The following ADAP1 variants were observed in gnomAD, a reference collection of about 807,000 sequenced individuals.
ADAP1 encodes the protein ArfGAP with dual PH domains 1.
Under a neutral mutation model 54.9 loss-of-function variants are expected in ADAP1, and 31 were observed. That is an observed-to-expected ratio of 0.56 (90% CI 0.42 to 0.76). ADAP1 has a LOEUF of 0.76. Ranked by LOEUF, ADAP1 falls within the 30% of genes least tolerant of loss-of-function variation. The pLI, the probability that ADAP1 is intolerant of heterozygous loss-of-function variation, is 0.00. For missense variants in ADAP1, 535 were observed against 512.4 expected (o/e 1.04, Z -0.42); for synonymous variants, 313 against 202.6 (o/e 1.55, Z -4.63).
rs1056898501 is a variant in ADAP1, at chr7:905,350, G to A, written c.389-178C>T. ...CATGGAGGAGACAGGGAGATAGGAAGATGGGCAGGGAAAGGGAAAGGGAAA... is the reference window on the plus strand; with the variant it reads ...CATGGAGGAGACAGGGAGATAGGAAAATGGGCAGGGAAAGGGAAAGGGAAA... On this transcript the variant is annotated intron_variant, in intron 4 of 10. Transcript: ENST00000265846. 166 of 360,876 alleles carry A rather than the reference G, an allele frequency of 4.6e-4. 10 individuals are homozygous for A. The African/African-American group carries it at 7.1e-3, about 15-fold the overall frequency. 22.4% of individuals were successfully genotyped at this position (360,876 alleles called of 1,614,324 possible).
At chr7:917,683 C>G (rs901019037) in intron 4 of ADAP1, among the ~76,000 whole-genome samples, 4 of 152,256 alleles carry the variant, frequency 2.6e-5, no homozygotes, top group East Asian at 3.9e-4. Context: ...AGATTGGTCT[C>G]GAACTCGTGG....
intron 2 of ADAP1, among the ~76,000 whole-genome samples, chr7:933,651 C>T (rs1256951574): frequency 5.4e-5 from 2 of 37,110 alleles, no homozygotes; most frequent in Non-Finnish European, 9.5e-5. Context: ...AGCCGGGGGC[C>T]GGGGTCAGTG....
At chr7:902,705 T>C (rs1483247814) in intron 6 of ADAP1, among the ~76,000 whole-genome samples, 3 of 151,776 alleles carry the variant, frequency 2.0e-5, no homozygotes, top group African/African-American at 4.8e-5. Flanking sequence ...AAGCAATCCC[T>C]GACCTCATGG....
At chr7:923,106 C>T (rs965531769) in intron 3 of ADAP1, 6 of 152,118 alleles carry the variant, frequency 3.9e-5, no homozygotes, top group Admixed American at 3.9e-4. Context: ...AGGAAGCACC[C>T]CGGAGAGGCC....
intron 1 of ADAP1, among the ~76,000 whole-genome samples, chr7:939,057 G>A (rs537110209): frequency 5.3e-4 from 80 of 152,322 alleles, no homozygotes; most frequent in African/African-American, 1.6e-3. Context: ...CATGGAACCC[G>A]TAGCAGGAGC....
chr7:927,192 C>G (rs186801417), intron 2 of ADAP1: 3 of 1,292,194 alleles, frequency 2.3e-6, no homozygotes, highest in African/African-American at 3.1e-5. Flanking sequence ...AACATGTTTA[C>G]GAAACAGGCT....
Position 920,747 on chromosome 7 carries a change from G to A in ADAP1, c.306-697C>T, listed in dbSNP as rs1846161885. On this transcript the variant is annotated intron_variant, in intron 3 of 10. Transcript: ENST00000265846. This position sits in a 1 kb window ranked among gnomAD's most constrained non-coding sequence, Gnocchi z 4.5. ...CTGAGCCCAGACATCCCTGCCCAGA[G>A]CCACCCACCACGGCCTCCCCATCCA... is the stretch of plus-strand genomic sequence containing the variant. 3.9e-6 allele frequency: 6 copies of A among 1,531,184 alleles called. No individual in the cohort carries two copies. In the East Asian group the frequency reaches 1.2e-4, roughly 31 times the overall value. The allele number at this position is 1,531,184 out of a possible 1,614,324, so 94.8% of individuals were successfully genotyped here. A position where few individuals can be genotyped will look rare whatever the true frequency, so the allele number is the denominator to read the frequency against.
chr7:943,863 G>A (rs1449791156), intron 1 of ADAP1, among the ~76,000 whole-genome samples: 1 of 150,954 alleles, frequency 6.6e-6, no homozygotes, highest in African/African-American at 2.5e-5. Context: ...GGAGAGAGGA[G>A]GAGGAAGAGA....
intron 2 of ADAP1, among the ~76,000 whole-genome samples, chr7:930,059 G>C (rs977892875): frequency 1.6e-5 from 2 of 124,718 alleles, no homozygotes; most frequent in African/African-American, 6.2e-5. Context: ...AGCTGTGATT[G>C]AGCCACTGCC....
At chr7:905,845 G>GGGAGAAAGGAGAAA (rs1845238069) in intron 4 of ADAP1, among the ~76,000 whole-genome samples, 1 of 39,748 alleles carries the variant, frequency 2.5e-5, no homozygotes, top group African/African-American at 9.6e-5. Flanking sequence ...GAAGGGAGAA[G>GGGAGAAAGGAGAAA]GGAGAAGGGA....
rs570419445 is a variant in ADAP1 at position 929,164 on chromosome 7, C to T, written c.214-2520G>A. Among the ~76,000 whole-genome samples, 474 of 152,070 alleles carry T rather than the reference C, an allele frequency of 3.1e-3. 6 individuals are homozygous for T. Among genetic ancestry groups the T allele is most frequent in the African/African-American group, 0.011 (447 of 41,484 alleles). On this transcript the variant is annotated intron_variant, in intron 2 of 10. Transcript: ENST00000265846. ...AAAATTAGCCGGGCGTGGTGGTGCA[C>T]GCCCGTAATCCCAGCTACTCGGGAG...
chr7:908,048 G>C (rs550496926), intron 4 of ADAP1, among the ~76,000 whole-genome samples: 1 of 152,184 alleles, frequency 6.6e-6, no homozygotes, highest in African/African-American at 2.4e-5. Flanking sequence ...ACTTCAGAGA[G>C]CACTTGCTTG....
rs1847108043 is a variant in ADAP1, at chr7:945,248, C to G, written c.82+9148G>C. 6.6e-6 allele frequency among the ~76,000 whole-genome samples: 1 copy of G among 152,210 alleles called. No individual in the cohort carries two copies. The highest frequency in any genetic ancestry group is 2.4e-5 in the African/African-American group (1 of 41,452). On this transcript the variant is annotated intron_variant, in intron 1 of 10. Transcript: ENST00000265846. This position sits in a 1 kb window ranked among gnomAD's most constrained non-coding sequence, Gnocchi z 4.2. ...AGGCCTGCCTGCATCCGCAAATGCC[C>G]GCAGCCCATCGGAGCGAAAAGGGGC... is the stretch of plus-strand genomic sequence containing the variant.
intron 6 of ADAP1, among the ~76,000 whole-genome samples, chr7:903,509 T>C (rs1844925045): frequency 6.6e-6 from 1 of 152,088 alleles, no homozygotes; most frequent in Admixed American, 6.6e-5. Context: ...CACACAGACG[T>C]GTGATAAACA....
At chr7:903,748 G>C (rs571722886) in intron 6 of ADAP1, among the ~76,000 whole-genome samples, 1 of 152,238 alleles carries the variant, frequency 6.6e-6, no homozygotes, top group Admixed American at 6.5e-5. Flanking sequence ...CTCCCCGTAG[G>C]ACCCCAGTTC....
At chr7:921,924 G>C (rs1164248545) in intron 3 of ADAP1, among the ~76,000 whole-genome samples, 1 of 152,184 alleles carries the variant, frequency 6.6e-6, no homozygotes, top group African/African-American at 2.4e-5. Context: ...CCCTGCCCTG[G>C]TGCAGAATGG....
At chr7:900,266 G>C in intron 7 of ADAP1, 102 bp from the exon 8 acceptor site, 1 of 1,436,654 alleles carries the variant, frequency 7.0e-7, no homozygotes, top group Admixed American at 1.8e-5. Context: ...GGGCCACCAG[G>C]TCAGGGCCCA....
Position 926,151 on chromosome 7 carries a change from C to T in ADAP1, c.305+402G>A, listed in dbSNP as rs921961709. Among the ~76,000 whole-genome samples, 10 of 152,174 alleles carry T rather than the reference C, an allele frequency of 6.6e-5. No individual in the cohort carries two copies. Among genetic ancestry groups the T allele is most frequent in the South Asian group, 2.1e-4 (1 of 4,818 alleles). On this transcript the variant is annotated intron_variant, in intron 3 of 10. Transcript: ENST00000265846. The surrounding 1 kb of genome is among the most constrained non-coding windows in gnomAD (Gnocchi z 4.6). The stretch of plus-strand genomic sequence containing the variant: ...GGACTGGGTCTCAGGCTTCCCCAAC[C>T]GGCCACCGGTACCCACGTCCGCTCC...
In ADAP1 at chr7:899,058, C is replaced by T. The variant is rs1322557766; in HGVS notation, c.1071G>A (p.Arg357=). Residue 357 remains arginine, a synonymous_variant, in exon 10 of 11, where the codon AGG becomes AGA. Transcript: ENST00000265846. The part of the protein sequence containing the change: ...WVAAFQKAVD[R]PMLPQEYAVE... ...CTGCGTACTCCTGGGGCAGCATGGG[C>T]CTGTCCACCGCCTTCTGGAAGGCCG... 2.5e-6 allele frequency: 4 copies of T among 1,608,692 alleles called. No individual in the cohort carries two copies. Among genetic ancestry groups the T allele is most frequent in the Non-Finnish European group, 2.5e-6 (3 of 1,179,900 alleles).
Sources: gnomAD v4.1 joint callset for allele counts (sites outside exome capture counted in the v4.1 genomes callset) on GRCh38, gnomAD v4.1.1 for gene constraint, Gnocchi (gnomAD v3.1) non-coding constraint, MANE v1.5 for transcripts, NCBI Gene and HGNC (gene_info 2026-07-23, HGNC 2026-07-21) for gene names.